Variants in RAB27B observed in about 807,000 individuals in gnomAD.
The protein encoded by RAB27B is ras-related protein Rab-27B.
RAB27B carries 15 observed loss-of-function variants against 24.6 expected under a neutral mutation model. That is an observed-to-expected ratio of 0.61 (90% CI 0.41 to 0.94). The LOEUF is 0.94. Among genes scored for constraint, RAB27B ranks in the 40% least tolerant of loss-of-function variants. The pLI is 0.00. For synonymous variants in RAB27B, 105 were observed against 92.5 expected, an observed-to-expected ratio of 1.14 and a Z score of -0.78; for missense variants, 261 against 266.8, an observed-to-expected ratio of 0.98 and a Z score of 0.15.
chr18:54,753,769 A>G (rs1192265808), intron 2 of RAB27B, among the ~76,000 whole-genome samples: 1 of 152,210 alleles, frequency 6.6e-6, no homozygotes, highest in Non-Finnish European at 1.5e-5. Flanking sequence ...ATTTGTACGT[A>G]ATTTATCTCA....
chr18:54,785,645 G>T (rs1909060991), intron 2 of RAB27B, among the ~76,000 whole-genome samples: 1 of 151,954 alleles, frequency 6.6e-6, no homozygotes, highest in African/African-American at 2.4e-5. Context: ...TAAGCTCCAT[G>T]AAAGTTTGGG....
chr18:54,854,070 T>C (rs1218836846), intron 1 of RAB27B, among the ~76,000 whole-genome samples: 1 of 152,220 alleles, frequency 6.6e-6, no homozygotes, highest in Non-Finnish European at 1.5e-5. Flanking sequence ...CAGATTATTG[T>C]ATATTCAATT....
chr18:54,772,666 TA>T (rs1471889539), intron 2 of RAB27B, among the ~76,000 whole-genome samples: 4 of 152,138 alleles, frequency 2.6e-5, no homozygotes, highest in Non-Finnish European at 5.9e-5. Flanking sequence ...TCTCTTTTAT[TA>T]ATTATTTAAA....
chr18:54,720,867 A>G lies in RAB27B; in HGVS notation c.-20+2726A>G, dbSNP rs76978560. On this transcript the variant is annotated intron_variant, in intron 2 of 4. Coordinates refer to the RAB27B transcript ENST00000586570. ...GAGTTTTTAAGAATCTGTTGGCCACATACACATGCCACAATAAATAGGAAT... is the reference window on the plus strand; with the variant it reads ...GAGTTTTTAAGAATCTGTTGGCCACGTACACATGCCACAATAAATAGGAAT... 1.8e-3 allele frequency among the ~76,000 whole-genome samples: 267 copies of G among 152,232 alleles called. 4 individuals carry two copies. The East Asian group carries it at 0.028, about 16-fold the overall frequency.
chr18:54,816,301 G>C (rs1349534984), intron 2 of RAB27B, among the ~76,000 whole-genome samples: 1 of 152,188 alleles, frequency 6.6e-6, no homozygotes, highest in African/African-American at 2.4e-5. Flanking sequence ...GATAATAGTT[G>C]CTTCTACATC....
At chr18:54,871,997 T>C (rs889521189) in intron 1 of RAB27B, among the ~76,000 whole-genome samples, 2 of 152,066 alleles carry the variant, frequency 1.3e-5, no homozygotes, top group South Asian at 2.1e-4. Flanking sequence ...TAATTCCAAA[T>C]GTGGAGTAGC....
intron 1 of RAB27B, among the ~76,000 whole-genome samples, chr18:54,835,483 C>G (rs1053296687): frequency 6.6e-6 from 1 of 151,994 alleles, no homozygotes; most frequent in South Asian, 2.1e-4. Flanking sequence ...TTTGTAATAC[C>G]TATTCTCAAA....
At chr18:54,782,416 A>G (rs1908945216) in intron 2 of RAB27B, among the ~76,000 whole-genome samples, 2 of 152,230 alleles carry the variant, frequency 1.3e-5, no homozygotes, top group South Asian at 4.1e-4. Flanking sequence ...TGTAGGAGAT[A>G]TTTTGGATGG....
rs765711010 is a variant in RAB27B at position 54,888,034 on chromosome 18, T to C, written c.383T>C (p.Ile128Thr). 2.5e-6 allele frequency: 4 copies of C among 1,612,732 alleles called. No individual in the cohort carries two copies. Among genetic ancestry groups the C allele is most frequent in the African/African-American group, 2.7e-5 (2 of 74,840 alleles). The change falls in exon 5 of 6, where the codon ATA (isoleucine) becomes ACA (threonine). Residue 128 changes from isoleucine (I) to threonine (T), a missense_variant. By Grantham distance (89) the Ile-to-Thr change is moderately conservative (BLOSUM62 -1). Transcript: ENST00000262094. ...AATGCTTATTGTGAAAATCCAGATATAGTATTAATTGGCAACAAGGCAGAC... is the reference window on the plus strand; with the variant it reads ...AATGCTTATTGTGAAAATCCAGATACAGTATTAATTGGCAACAAGGCAGAC... ...QANAYCENPDIVLIGNKADLP... is the reference protein window; with the variant it reads ...QANAYCENPDTVLIGNKADLP...
chr18:54,747,813 T>C (rs888408298), intron 2 of RAB27B, among the ~76,000 whole-genome samples: 2 of 152,218 alleles, frequency 1.3e-5, no homozygotes, highest in African/African-American at 4.8e-5. Context: ...AAAGACTTTA[T>C]TAAATGTTTC....
In RAB27B at chr18:54,815,669, A is replaced by G. The variant is rs115271284; in HGVS notation, c.-19-61898A>G. ...CTTGATAATTCTTTAATAATTTGCT[A>G]TTAAAGTCATTCTTCTACATTGAGG... On this transcript the variant is annotated intron_variant, in intron 2 of 4. Coordinates refer to the RAB27B transcript ENST00000586570. Among the ~76,000 whole-genome samples the G allele has an allele frequency of 2.1e-3, 316 of 152,328 alleles. 2 individuals are homozygous for G. Among genetic ancestry groups the G allele is most frequent in the African/African-American group, 7.0e-3 (290 of 41,576 alleles).
intron 1 of RAB27B, among the ~76,000 whole-genome samples, chr18:54,854,305 T>G (rs1226330063): frequency 6.6e-6 from 1 of 152,202 alleles, no homozygotes; most frequent in East Asian, 1.9e-4. Flanking sequence ...ACTTTTTCGT[T>G]CTTAAGTGTC....
chr18:54,879,457 A>T lies in RAB27B; in HGVS notation c.239+3A>T, dbSNP rs375210978. On this transcript the variant is annotated splice_donor_region_variant and intron_variant, in intron 3 of 5. Transcript: ENST00000262094. Reference sequence around the variant, plus strand: ...TGGGACACTGCGGGACAAGAGCGGTAATAGTAAATTGCTTTATTTGTGGCT... The same window carrying T: ...TGGGACACTGCGGGACAAGAGCGGTTATAGTAAATTGCTTTATTTGTGGCT... The T allele has an allele frequency of 1.2e-6, 2 of 1,606,752 alleles. No homozygotes were observed. Among genetic ancestry groups the T allele is most frequent in the Non-Finnish European group, 1.7e-6 (2 of 1,173,348 alleles).
intron 1 of RAB27B, among the ~76,000 whole-genome samples, chr18:54,867,647 A>C (rs918947929): frequency 4.6e-5 from 7 of 151,758 alleles, no homozygotes; most frequent in Non-Finnish European, 8.8e-5. Context: ...GGGTTTCACC[A>C]TGTTGGTCAG....
intron 2 of RAB27B, among the ~76,000 whole-genome samples, chr18:54,809,559 C>A (rs1598920814): frequency 6.6e-6 from 1 of 152,154 alleles, no homozygotes; most frequent in Non-Finnish European, 1.5e-5. Flanking sequence ...AACATTGGTT[C>A]AAGCCAATGA....
At chr18:54,855,614 C>T (rs1911754043) in intron 1 of RAB27B, among the ~76,000 whole-genome samples, 1 of 152,136 alleles carries the variant, frequency 6.6e-6, no homozygotes. Context: ...AAATCCCCAA[C>T]ACATATTTTT....
At chr18:54,820,348 A>G (rs1169191702) in intron 2 of RAB27B, among the ~76,000 whole-genome samples, 1 of 152,006 alleles carries the variant, frequency 6.6e-6, no homozygotes. Flanking sequence ...TGTGGTTTTG[A>G]TTTGCATTTC....
In RAB27B at chr18:54,838,718, A is replaced by C. The variant is rs1910991294; in HGVS notation, c.-20+10018A>C. Among the ~76,000 whole-genome samples the C allele has an allele frequency of 3.3e-5, 5 of 152,254 alleles. No homozygotes were observed. In the South Asian group the frequency reaches 1.0e-3, roughly 32 times the overall value. ...TGGAGATCATAGATGGAGAACATTT[A>C]AATGACTCTTACGAGTTAGACACAT... On this transcript the variant is annotated intron_variant, in intron 1 of 5. Transcript: ENST00000262094.
chr18:54,845,685 A>C (rs1338658353), intron 1 of RAB27B, among the ~76,000 whole-genome samples: 2 of 152,138 alleles, frequency 1.3e-5, no homozygotes, highest in African/African-American at 4.8e-5. Context: ...AGGTTATCCA[A>C]GTGTACTTTT....
Sources: gnomAD v4.1 joint callset for allele counts (sites outside exome capture counted in the v4.1 genomes callset) on GRCh38, gnomAD v4.1.1 for gene constraint, MANE v1.5 for transcripts, NCBI Gene and HGNC (gene_info 2026-07-23, HGNC 2026-07-21) for gene names.